The following PRSS54 variants were observed in gnomAD, a reference collection of about 807,000 sequenced individuals.
The protein encoded by PRSS54 is inactive serine protease 54.
In PRSS54, 16 loss-of-function variants were observed where a neutral mutation model predicts 19.9. The ratio of observed to expected loss-of-function variants is 0.80; its 90% CI spans 0.54 to 1.22. The LOEUF is 1.22. Ranked by LOEUF, PRSS54 falls within the 50% of genes most tolerant of loss-of-function variation. The probability of loss-of-function intolerance (pLI) is 0.00; values close to 1 mark genes in which losing one functional copy is unlikely to be tolerated. For missense variants in PRSS54, 444 were observed against 494.8 expected (o/e 0.90, Z 0.97); for synonymous variants, 177 against 195.8 (o/e 0.90, Z 0.80).
In PRSS54 at chr16:58,293,057, G is replaced by A. The variant is rs183137363; in HGVS notation, c.85+675C>T. ...TGTGTGCGTGTATGTGTGTGCAAGT[G>A]TGTGAGTGTGTGTGCATGTGTGTGT... On this transcript the variant is annotated intron_variant, in intron 3 of 6. Coordinates refer to ENST00000567164, the MANE Select transcript of PRSS54 (RefSeq NM_001305173.2). 7.2e-5 allele frequency among the ~76,000 whole-genome samples: 11 copies of A among 152,184 alleles called. No homozygotes were observed. In the East Asian group the frequency reaches 2.1e-3, roughly 29 times the overall value.
At position 58,290,311 on chromosome 16, in the gene PRSS54, T is replaced by C. The variant is rs371568863; in HGVS notation, c.263+648A>G. ...TTTGTACATACAAATTTTCCAGTGG[T>C]TGAAATTATTTCCTTAATGTTGATT... On this transcript the variant is annotated intron_variant, in intron 4 of 6. Coordinates refer to ENST00000567164, the MANE Select transcript of PRSS54 (RefSeq NM_001305173.2). Among the ~76,000 whole-genome samples, 9 of 152,136 alleles carry C rather than the reference T, an allele frequency of 5.9e-5. No homozygotes were observed. The East Asian group carries it at 1.3e-3, about 23-fold the overall frequency.
At chr16:58,290,829 G>A (rs1369597300) in intron 4 of PRSS54, 130 bp downstream of exon 4, 1 of 973,540 alleles carries the variant, frequency 1.0e-6, no homozygotes. Context: ...CAGAGCAAGC[G>A]CTGAGCTGGT....
At chr16:58,285,744 A>AAAAAAAAAAAAAAGAAG (rs146167626) in intron 5 of PRSS54, among the ~76,000 whole-genome samples, 193 bp downstream of exon 5, 20 of 77,352 alleles carry the variant, frequency 2.6e-4, no homozygotes, top group African/African-American at 1.4e-3. Context: ...AAAAAAAAAA[A>AAAAAAAAAAAAAAGAAG]AAGAAGAAGA....
rs1964864826 is a variant in PRSS54, at chr16:58,284,615, T to G, written c.629A>C (p.Lys210Thr). ...CAAGCAGGCAGTCTTGGTTTCCTCT[T>G]TCGTGTGGCTGCCGCATTCTGTCTT... ...LQKTECGSHT[K>T]EETKTACLGD... The change falls in exon 6 of 7, where the codon AAA (lysine) becomes ACA (threonine). Residue 210 changes from lysine (K) to threonine (T), a missense_variant. Coordinates refer to ENST00000567164, the MANE Select transcript of PRSS54 (RefSeq NM_001305173.2). 2 of 1,614,042 alleles carry G rather than the reference T, an allele frequency of 1.2e-6. No homozygotes were observed. The highest frequency in any genetic ancestry group is 3.3e-4 in the Middle Eastern group (2 of 6,062).
chr16:58,284,972 G>A (rs572906803), intron 5 of PRSS54, among the ~76,000 whole-genome samples: 80 of 152,050 alleles, frequency 5.3e-4, no homozygotes, highest in African/African-American at 1.8e-3. Flanking sequence ...GCACCACAAC[G>A]CCCAGCTAAT....
chr16:58,285,527 A>G (rs1308819570), intron 5 of PRSS54, among the ~76,000 whole-genome samples: 3 of 152,172 alleles, frequency 2.0e-5, no homozygotes, highest in African/African-American at 7.2e-5. Context: ...GCTTGAGCCC[A>G]GGAGTTCGAT....
chr16:58,286,906 ACAAGACCATGAC>A (rs1964930848), intron 4 of PRSS54, among the ~76,000 whole-genome samples: 1 of 152,202 alleles, frequency 6.6e-6, no homozygotes, highest in African/African-American at 2.4e-5. Context: ...AAGGAAAGAA[ACAAGACCATGAC>A]CAAAATGAAG....
At chr16:58,292,597 C>T (rs1965059930) in intron 3 of PRSS54, among the ~76,000 whole-genome samples, 1 of 152,158 alleles carries the variant, frequency 6.6e-6, no homozygotes, top group Non-Finnish European at 1.5e-5. Context: ...TTAATTGACA[C>T]TTGATGACTT....
At chr16:58,293,550 G>A (rs937119441) in intron 3 of PRSS54, 182 bp downstream of exon 3, 26 of 985,220 alleles carry the variant, frequency 2.6e-5, no homozygotes, top group East Asian at 1.1e-4. Flanking sequence ...CTCCATCCAC[G>A]TCCCATGATT....
chr16:58,289,714 G>C (rs1964995191), intron 4 of PRSS54, among the ~76,000 whole-genome samples: 1 of 152,020 alleles, frequency 6.6e-6, no homozygotes, highest in African/African-American at 2.4e-5. Context: ...TGTGATTACA[G>C]GTGTATGCCA....
intron 4 of PRSS54, among the ~76,000 whole-genome samples, chr16:58,288,440 A>G (rs771223481): frequency 6.6e-6 from 1 of 152,138 alleles, no homozygotes; most frequent in Non-Finnish European, 1.5e-5. Flanking sequence ...AAATTAAATT[A>G]TATAAAATTA....
At chr16:58,280,938 A>ACTTTTC in intron 6 of PRSS54, 181 bp from the exon 7 acceptor site, 1 of 588,264 alleles carries the variant, frequency 1.7e-6, no homozygotes, top group South Asian at 2.6e-5. Context: ...CAACAAGATG[A>ACTTTTC]CTTTTCCTTT....
rs543099062 is a variant in PRSS54, at chr16:58,289,081, G to A, written c.263+1878C>T. ...AAGGAGATAATTAAGATTAAATGAG[G>A]TATAAGGCTGGGGCTGTAATCTAAG... On this transcript the variant is annotated intron_variant, in intron 4 of 6. Transcript: ENST00000567164. 3.9e-5 allele frequency among the ~76,000 whole-genome samples: 6 copies of A among 152,282 alleles called. No homozygotes were observed. In the South Asian group the frequency reaches 1.2e-3, roughly 32 times the overall value.
intron 4 of PRSS54, among the ~76,000 whole-genome samples, chr16:58,289,420 T>C (rs922818335): frequency 2.0e-5 from 3 of 152,204 alleles, no homozygotes; most frequent in Non-Finnish European, 4.4e-5. Context: ...TATATAGATA[T>C]CCATGAGTGC....
chr16:58,284,543 C>T, intron 6 of PRSS54, 47 bp downstream of exon 6: 2 of 1,610,858 alleles, frequency 1.2e-6, no homozygotes, highest in Non-Finnish European at 1.7e-6. Context: ...CTGGATGTGA[C>T]CAAGGCTTAC....
At chr16:58,282,658 G>C (rs1015924858) in intron 6 of PRSS54, 2 of 152,270 alleles carry the variant, frequency 1.3e-5, no homozygotes, top group African/African-American at 2.4e-5. Flanking sequence ...ATGGAAGGGG[G>C]TGCTTTAGTG....
At chr16:58,280,875 G>A in intron 6 of PRSS54, 118 bp from the exon 7 acceptor site, 1 of 920,732 alleles carries the variant, frequency 1.1e-6, no homozygotes, top group Non-Finnish European at 1.6e-6. Flanking sequence ...CACTGGAAAT[G>A]GGGCAAATTA....
intron 4 of PRSS54, among the ~76,000 whole-genome samples, chr16:58,289,393 A>G (rs1180020248): frequency 6.6e-6 from 1 of 152,222 alleles, no homozygotes; most frequent in Non-Finnish European, 1.5e-5. Flanking sequence ...AAGAATCAAT[A>G]TAGCCAGACC....
intron 4 of PRSS54, among the ~76,000 whole-genome samples, chr16:58,288,674 T>C (rs1964971430): frequency 6.6e-6 from 1 of 152,190 alleles, no homozygotes; most frequent in Admixed American, 6.5e-5. Context: ...TGCATGTGTG[T>C]GAAATAATGC....
Sources: allele counts gnomAD v4.1 joint callset (sites outside exome capture counted in the v4.1 genomes callset), GRCh38; gene constraint gnomAD v4.1.1; transcripts MANE v1.5; gene names NCBI Gene and HGNC (gene_info 2026-07-23, HGNC 2026-07-21).